The following PRH1 variants were observed in gnomAD, a reference collection of about 807,000 sequenced individuals.
PRH1 encodes salivary acidic proline-rich phosphoprotein 1/2.
In PRH1, 7 loss-of-function variants were observed where a neutral mutation model predicts 7.9. That is an observed-to-expected ratio of 0.89 (90% confidence interval 0.50 to 1.67). The LOEUF is 1.67. PRH1 is among the 40% of genes most tolerant of loss of function. The pLI, the probability that PRH1 is intolerant of heterozygous loss-of-function variation, is 0.00. For synonymous variants in PRH1, 45 were observed against 80.8 expected (o/e 0.56, Z 2.38); for missense variants, 109 against 223.6 (o/e 0.49, Z 3.27).
chr12:11,008,348 G>A (rs2136035587), intron 1 of PRH1, among the ~76,000 whole-genome samples: 1 of 152,028 alleles, frequency 6.6e-6, no homozygotes, highest in African/African-American at 2.4e-5. Flanking sequence ...ACATAGAAAT[G>A]TGCCAAAACA....
intron 2 of PRH1, chr12:10,894,983 A>G (rs979338535): frequency 7.2e-5 from 11 of 152,156 alleles, no homozygotes; most frequent in Admixed American, 7.2e-4. Context: ...GGCATACTTC[A>G]TCTTCTTCAG....
chr12:11,157,789 A>G (rs1947298360), intron 1 of PRH1, among the ~76,000 whole-genome samples: 2 of 152,248 alleles, frequency 1.3e-5, no homozygotes, highest in South Asian at 4.1e-4. Context: ...TTTAAAAAAC[A>G]AATAGTTAAA....
chr12:11,118,200 G>A (rs1350405982), downstream of PRH1, among the ~76,000 whole-genome samples: 1 of 151,974 alleles, frequency 6.6e-6, no homozygotes, highest in Non-Finnish European at 1.5e-5. Flanking sequence ...AATATAAAAG[G>A]AGCTTAAACA....
chr12:10,997,958 T>C (rs1940382622), intron 1 of PRH1: 1 of 799,264 alleles, frequency 1.3e-6, no homozygotes, highest in Non-Finnish European at 1.9e-6. Flanking sequence ...TTAAGTTAAA[T>C]ATGCACTTGA....
chr12:10,974,686 A>C (rs957177146), intron 1 of PRH1, among the ~76,000 whole-genome samples: 1 of 152,230 alleles, frequency 6.6e-6, no homozygotes, highest in Non-Finnish European at 1.5e-5. Flanking sequence ...CAGCCCACAC[A>C]GATGAGAAAG....
intron 1 of PRH1, among the ~76,000 whole-genome samples, chr12:11,025,189 T>A (rs1352461479): frequency 6.6e-6 from 1 of 152,190 alleles, no homozygotes; most frequent in Non-Finnish European, 1.5e-5. Flanking sequence ...GGCTAATTTT[T>A]TTTTATTTTT....
rs138204547 is a variant in PRH1, at chr12:11,087,027, G to A, written n.124-39839C>T. On this transcript the variant is annotated intron_variant and non_coding_transcript_variant, in intron 1 of 4. Transcript: ENST00000541977. ...CTTTCAAGTTTACCTCTTATAGGCA[G>A]GAACCAAAGATTGTTCATTATCGAT... 8.9e-4 allele frequency among the ~76,000 whole-genome samples: 96 copies of A among 108,060 alleles called. 14 individuals are homozygous for A. The East Asian group carries it at 0.02, about 22-fold the overall frequency. The allele number at this position is 108,060 out of a possible 152,430, so 70.9% of individuals were successfully genotyped here.
chr12:11,134,289 C>T, intron 1 of PRH1: 1 of 1,511,240 alleles, frequency 6.6e-7, no homozygotes, highest in Middle Eastern at 1.8e-4. Context: ...GGTGTAATAT[C>T]ACTGGTTGTG....
chr12:11,129,459 T>C (rs1355749398), intron 1 of PRH1, among the ~76,000 whole-genome samples: 3 of 152,296 alleles, frequency 2.0e-5, no homozygotes, highest in African/African-American at 4.8e-5. Context: ...AATAACCGCA[T>C]TCCCTAAGGA....
At chr12:11,082,163 A>T (rs1944520127) in intron 1 of PRH1, among the ~76,000 whole-genome samples, 1 of 115,532 alleles carries the variant, frequency 8.7e-6, no homozygotes, top group Non-Finnish European at 2.1e-5. Context: ...ATCATTTAAT[A>T]AGACAGATGT....
chr12:11,104,181 TAA>T (rs760838136), intron 1 of PRH1, among the ~76,000 whole-genome samples: 10 of 49,566 alleles, frequency 2.0e-4, no homozygotes, highest in Admixed American at 6.8e-4. Flanking sequence ...AATGAAAGAG[TAA>T]AAAAAAAAAA....
At chr12:10,952,072 G>A (rs1248806239) in intron 2 of PRH1, among the ~76,000 whole-genome samples, 2 of 152,194 alleles carry the variant, frequency 1.3e-5, no homozygotes, top group Admixed American at 6.5e-5. Flanking sequence ...TTTATGAAGA[G>A]TTAGTACACA....
In PRH1 at chr12:11,168,281, AAAGAAAGAAAGAAAGAAAG is replaced by A. The variant is rs1947670661; in HGVS notation, n.39+3122_39+3140del. Among the ~76,000 whole-genome samples the A allele has an allele frequency of 4.4e-5, 2 of 45,558 alleles. 1 individual carries two copies. The highest frequency in any genetic ancestry group is 1.0e-4 in the Non-Finnish European group (2 of 19,218). 29.9% of individuals were successfully genotyped at this position (45,558 alleles called of 152,430 possible). On this transcript the variant is annotated intron_variant and non_coding_transcript_variant, in intron 1 of 1. Transcript: ENST00000541175. ...GAAAGAAAGAAAGAAAGAAAGAAAG[AAAGAAAGAAAGAAAGAAAG>A]AAGGAAGGAAGGAAGGAAGGAAGGA...
At chr12:11,044,157 A>G (rs1307441559) in intron 1 of PRH1, among the ~76,000 whole-genome samples, 1 of 152,188 alleles carries the variant, frequency 6.6e-6, no homozygotes, top group Non-Finnish European at 1.5e-5. Flanking sequence ...CAGTGAACTC[A>G]TTTTTGAAAA....
At chr12:10,908,331 C>G (rs918472951) in intron 2 of PRH1, 1 of 1,489,824 alleles carries the variant, frequency 6.7e-7, no homozygotes, top group Non-Finnish European at 9.1e-7. Flanking sequence ...ACTCCTGTTT[C>G]TGTCTGCAAT....
At chr12:10,945,802 C>T (rs1950478184) in intron 2 of PRH1, among the ~76,000 whole-genome samples, 1 of 152,158 alleles carries the variant, frequency 6.6e-6, no homozygotes, top group Non-Finnish European at 1.5e-5. Flanking sequence ...AGACAGCCGT[C>T]CCCAAAGCGG....
At chr12:10,887,138 C>T (rs1449346029), upstream of PRH1, among the ~76,000 whole-genome samples, 2 of 152,196 alleles carry the variant, frequency 1.3e-5, no homozygotes, top group Non-Finnish European at 2.9e-5. Context: ...AACCAGGAAG[C>T]TCTCTGAATG....
intron 1 of PRH1, among the ~76,000 whole-genome samples, chr12:11,040,816 T>C (rs753467264): frequency 3.9e-5 from 6 of 152,026 alleles, no homozygotes; most frequent in Admixed American, 2.0e-4. Flanking sequence ...AGGTGCAGAG[T>C]CCTCATTTGT....
rs1944994794 is a variant in PRH1, at chr12:11,093,516, A to C, written n.124-46328T>G. ...TCCTATTTTCCCGGGTTTTCAGCCCATGAATAATATTTATTTATCAAACAT... is the reference window on the plus strand; with the variant it reads ...TCCTATTTTCCCGGGTTTTCAGCCCCTGAATAATATTTATTTATCAAACAT... On this transcript the variant is annotated intron_variant and non_coding_transcript_variant, in intron 1 of 4. Coordinates refer to the PRH1 transcript ENST00000541977. Among the ~76,000 whole-genome samples, 2 of 116,216 alleles carry C rather than the reference A, an allele frequency of 1.7e-5. 1 individual carries two copies. The highest frequency in any genetic ancestry group is 4.1e-5 in the Non-Finnish European group (2 of 49,152). The allele number at this position is 116,216 out of a possible 152,430, so 76.2% of individuals were successfully genotyped here. A position where few individuals can be genotyped will look rare whatever the true frequency, so the allele number is the denominator to read the frequency against.
Sources: allele counts gnomAD v4.1 joint callset (sites outside exome capture counted in the v4.1 genomes callset), GRCh38; gene constraint gnomAD v4.1.1; transcripts MANE v1.5; gene names NCBI Gene and HGNC (gene_info 2026-07-23, HGNC 2026-07-21).